CERKL: variants seen among roughly 807,000 people sequenced by gnomAD.
The protein encoded by CERKL is ceramide kinase-like protein.
Under a neutral mutation model 63.4 loss-of-function variants are expected in CERKL, and 61 were observed. The ratio of observed to expected loss-of-function variants is 0.96; its 90% CI spans 0.78 to 1.19. CERKL has a LOEUF of 1.19. Among genes scored for constraint, CERKL ranks in the 50% most tolerant of loss-of-function variants. The pLI is 0.00. For missense variants in CERKL, 675 were observed against 655.5 expected (o/e 1.03, Z -0.33); for synonymous variants, 250 against 230.5 (o/e 1.08, Z -0.77).
chr2:181,539,473 T>C (rs1687390857), intron 11 of CERKL, among the ~76,000 whole-genome samples: 1 of 152,140 alleles, frequency 6.6e-6, no homozygotes, highest in Non-Finnish European at 1.5e-5. Context: ...ATCTAGCACC[T>C]AGAAATCTTG....
intron 3 of CERKL, among the ~76,000 whole-genome samples, chr2:181,572,794 TTG>T (rs879926153): frequency 1.5e-4 from 22 of 151,114 alleles, no homozygotes; most frequent in Non-Finnish European, 2.8e-4. Flanking sequence ...TTTTTTTTTT[TTG>T]AACTTTCTTC....
At chr2:181,591,784 G>A (rs1464048486) in intron 2 of CERKL, among the ~76,000 whole-genome samples, 2 of 152,066 alleles carry the variant, frequency 1.3e-5, no homozygotes, top group African/African-American at 4.8e-5. Flanking sequence ...TAATAAATAT[G>A]TCCTAACTCC....
intron 2 of CERKL, among the ~76,000 whole-genome samples, chr2:181,584,679 T>G (rs1370394619): frequency 6.6e-6 from 1 of 151,798 alleles, no homozygotes; most frequent in East Asian, 1.9e-4. Context: ...CATTTTTCAT[T>G]TAACCTGTCT....
intron 2 of CERKL, among the ~76,000 whole-genome samples, chr2:181,599,506 C>T (rs1685368629): frequency 6.6e-6 from 1 of 151,128 alleles, no homozygotes; most frequent in African/African-American, 2.4e-5. Context: ...CACTGCACTC[C>T]AGCCTAGGCA....
chr2:181,648,431 G>A (rs962117467), intron 1 of CERKL, among the ~76,000 whole-genome samples: 2 of 151,974 alleles, frequency 1.3e-5, no homozygotes, highest in Admixed American at 6.6e-5. Context: ...CTCGGCCAAG[G>A]ACAAAAGATA....
At chr2:181,554,326 A>C (rs1282936880) in intron 5 of CERKL, among the ~76,000 whole-genome samples, 1 of 152,182 alleles carries the variant, frequency 6.6e-6, no homozygotes, top group Non-Finnish European at 1.5e-5. Context: ...GCATATCTAA[A>C]ATTCTCATGA....
chr2:181,635,296 T>C (rs917575242), intron 1 of CERKL, among the ~76,000 whole-genome samples: 1 of 152,154 alleles, frequency 6.6e-6, no homozygotes, highest in African/African-American at 2.4e-5. Flanking sequence ...CCAAGACATA[T>C]TGTTTTTTCC....
chr2:181,588,678 T>C (rs1029411736), intron 2 of CERKL, among the ~76,000 whole-genome samples: 3 of 152,184 alleles, frequency 2.0e-5, no homozygotes, highest in African/African-American at 7.2e-5. Context: ...CTCTTTTCCA[T>C]CACAGCTATA....
At chr2:181,579,571 T>C (rs1684410944) in intron 2 of CERKL, among the ~76,000 whole-genome samples, 3 of 151,962 alleles carry the variant, frequency 2.0e-5, no homozygotes, top group Admixed American at 2.0e-4. Context: ...TAATAACTTA[T>C]GTTTTCTCCA....
At chr2:181,656,663 G>A in intron 1 of CERKL, 106 bp downstream of exon 1, 1 of 971,102 alleles carries the variant, frequency 1.0e-6, no homozygotes, top group Non-Finnish European at 1.5e-6. Flanking sequence ...GGGAGGGGAG[G>A]CGAGAAAAGG....
In CERKL at chr2:181,603,300, G is replaced by A. The variant is rs186179345; in HGVS notation, c.481+537C>T. 3.0e-3 allele frequency among the ~76,000 whole-genome samples: 459 copies of A among 152,080 alleles called. 5 individuals carry two copies. The highest frequency in any genetic ancestry group is 0.01 in the African/African-American group (415 of 41,496). The stretch of plus-strand genomic sequence containing the variant: ...AAGACATTAATAGAAAAATAAATAC[G>A]CTTCTAAAAACAACTCTCAGGTGAA... On this transcript the variant is annotated intron_variant, in intron 2 of 12. Coordinates refer to ENST00000410087, the MANE Select transcript of CERKL (RefSeq NM_201548.5).
chr2:181,544,837 AAG>A, intron 10 of CERKL, 41 bp from the exon 11 acceptor site: 1 of 1,247,380 alleles, frequency 8.0e-7, no homozygotes, highest in South Asian at 1.3e-5. Context: ...GAAATTTACT[AAG>A]AGATTATACC....
At position 181,552,165 on chromosome 2, in the gene CERKL, G is replaced by A. The variant is rs151311343; in HGVS notation, c.821-2457C>T. Among the ~76,000 whole-genome samples the A allele has an allele frequency of 9.9e-5, 15 of 152,240 alleles. No homozygotes were observed. The East Asian group carries it at 2.7e-3, about 27-fold the overall frequency. On this transcript the variant is annotated intron_variant, in intron 5 of 12. Coordinates refer to ENST00000410087, the MANE Select transcript of CERKL (RefSeq NM_201548.5). ...GGGCTAATGGGTGGGAAGGACTGGG[G>A]AGATACTGGTCCAGGATATAAAATT...
At chr2:181,546,690 C>T (rs956488542) in intron 10 of CERKL, among the ~76,000 whole-genome samples, 4 of 152,162 alleles carry the variant, frequency 2.6e-5, no homozygotes, top group African/African-American at 9.6e-5. Context: ...TATTTTCAGC[C>T]CCATAATGGA....
In CERKL at chr2:181,587,583, G is replaced by A. The variant is rs1034756599; in HGVS notation, c.482-13699C>T. 2.6e-5 allele frequency among the ~76,000 whole-genome samples: 4 copies of A among 151,974 alleles called. No homozygotes were observed. In the East Asian group the frequency reaches 5.8e-4, roughly 22 times the overall value. On this transcript the variant is annotated intron_variant, in intron 2 of 12. Transcript: ENST00000410087. Reference sequence around the variant, plus strand: ...AAATCCAGACTAAAAAGAGATATACGTAACTGGCTTTAGGAAATTCTTTTT... The same window carrying A: ...AAATCCAGACTAAAAAGAGATATACATAACTGGCTTTAGGAAATTCTTTTT...
Position 181,618,322 on chromosome 2 carries a change from G to C in CERKL, c.239-14243C>G, listed in dbSNP as rs534608855. On this transcript the variant is annotated intron_variant, in intron 1 of 12. Coordinates refer to ENST00000410087, the MANE Select transcript of CERKL (RefSeq NM_201548.5). Reference sequence around the variant, plus strand: ...TGAAAAAATTTAAAATAGAAGAGTGGTACTGCTTTTTTGATTGTTTTGGAA... The same window carrying C: ...TGAAAAAATTTAAAATAGAAGAGTGCTACTGCTTTTTTGATTGTTTTGGAA... Among the ~76,000 whole-genome samples, 8 of 151,180 alleles carry C rather than the reference G, an allele frequency of 5.3e-5. No individual in the cohort carries two copies. In the South Asian group the frequency reaches 8.4e-4, roughly 16 times the overall value.
At position 181,583,029 on chromosome 2, in the gene CERKL, T is replaced by C. The variant is rs550803197; in HGVS notation, c.482-9145A>G. On this transcript the variant is annotated intron_variant, in intron 2 of 12. Coordinates refer to ENST00000410087, the MANE Select transcript of CERKL (RefSeq NM_201548.5). ...AGTGCCTTACTGTGAAAACTGGTAATTAAAAATTGCTTAATTAGTTAACTA... is the reference window on the plus strand; with the variant it reads ...AGTGCCTTACTGTGAAAACTGGTAACTAAAAATTGCTTAATTAGTTAACTA... 1.3e-4 allele frequency among the ~76,000 whole-genome samples: 20 copies of C among 152,332 alleles called. No homozygotes were observed. In the East Asian group the frequency reaches 2.3e-3, roughly 18 times the overall value.
At chr2:181,616,492 G>A (rs1418746967) in intron 1 of CERKL, among the ~76,000 whole-genome samples, 4 of 152,116 alleles carry the variant, frequency 2.6e-5, no homozygotes, top group Admixed American at 1.3e-4. Flanking sequence ...GATTACAGGT[G>A]TGAGCCACCG....
chr2:181,613,543 C>T (rs573944636), intron 1 of CERKL, among the ~76,000 whole-genome samples: 19 of 152,132 alleles, frequency 1.2e-4, no homozygotes, highest in Non-Finnish European at 2.1e-4. Context: ...GGTTTTCACA[C>T]GAATGGTCTT....
Sources: allele counts gnomAD v4.1 joint callset (sites outside exome capture counted in the v4.1 genomes callset), GRCh38; gene constraint gnomAD v4.1.1; transcripts MANE v1.5; gene names NCBI Gene and HGNC (gene_info 2026-07-23, HGNC 2026-07-21).